Variants in RBBP8NL observed in about 807,000 individuals in gnomAD.
The protein encoded by RBBP8NL is RBBP8 N-terminal like.
RBBP8NL carries 59 observed loss-of-function variants against 62.2 expected under a neutral mutation model. The observed-to-expected ratio is 0.95, with a 90% CI of 0.77 to 1.18. The LOEUF (loss-of-function observed/expected upper bound fraction) is 1.18. RBBP8NL is among the 50% of genes most tolerant of loss of function. The pLI is 0.00. For missense variants in RBBP8NL, 896 were observed against 899.5 expected (o/e 1.00, Z 0.05); for synonymous variants, 412 against 394.1 (o/e 1.05, Z -0.54).
chr20:62,427,428 G>A (rs1462525526), intron 1 of RBBP8NL, 32 bp downstream of exon 1: 1 of 152,260 alleles, frequency 6.6e-6, no homozygotes, highest in Non-Finnish European at 1.5e-5. Context: ...CGGCTACTTG[G>A]GTGGCCTGGC....
At position 62,410,890 on chromosome 20, in the gene RBBP8NL, C is replaced by T. The variant is rs774910185; in HGVS notation, c.1983G>A (p.Trp661Ter). 4 of 1,612,204 alleles carry T rather than the reference C, an allele frequency of 2.5e-6. No homozygotes were observed. The South Asian group carries it at 4.4e-5, about 18-fold the overall frequency. Residue 661 changes from tryptophan (W) to a stop codon, truncating the protein, a stop_gained, in exon 14 of 14, where the codon TGG (tryptophan) becomes TGA (stop). Transcript: ENST00000252998. LOFTEE classifies it high-confidence loss of function. ...DHSPSPNSSP[W>*]EET ...TGGTGCAGGCTGGCTAGGTCTCCTC[C>T]CAGGGGCTGCTGTTGGGGGAGGGAC...
intron 13 of RBBP8NL, 23 bp downstream of exon 13, chr20:62,412,601 C>A: frequency 4.4e-6 from 7 of 1,599,868 alleles, no homozygotes; most frequent in Non-Finnish European, 5.9e-6. Context: ...CCCTTCCCTG[C>A]ACCTGCCCCA....
At position 62,411,012 on chromosome 20, in the gene RBBP8NL, G is replaced by T; in HGVS notation, c.1877-16C>A. 1 of 1,549,180 alleles carries T rather than the reference G, an allele frequency of 6.5e-7. No individual in the cohort carries two copies. Among genetic ancestry groups the T allele is most frequent in the Non-Finnish European group, 8.9e-7 (1 of 1,121,566 alleles). On this transcript the variant is annotated splice_polypyrimidine_tract_variant and intron_variant, in intron 13 of 13. Transcript: ENST00000252998. ...TTTTTGGAGGCTATGGGAAGTGGCC[G>T]GAGGTCAGGCCGGAGCTGTGTGCCT...
chr20:62,418,350 A>G (rs1189028402), intron 3 of RBBP8NL, 73 bp downstream of exon 3: 1 of 1,388,764 alleles, frequency 7.2e-7, no homozygotes, highest in African/African-American at 1.4e-5. Flanking sequence ...TAGTGCTGGC[A>G]CACTGGGGCT....
At position 62,415,774 on chromosome 20, in the gene RBBP8NL, G is replaced by A. The variant is rs750485937; in HGVS notation, c.544+14C>T. The stretch of plus-strand genomic sequence containing the variant: ...GGGGCCCAGCCTCCCAGCCTCACCC[G>A]GTCCCCACAGCACCTTCTCCCCGTA... On this transcript the variant is annotated intron_variant, in intron 7 of 13. Coordinates refer to ENST00000252998, the MANE Select transcript of RBBP8NL (RefSeq NM_080833.3). 15 of 1,611,150 alleles carry A rather than the reference G, an allele frequency of 9.3e-6. No homozygotes were observed. Among genetic ancestry groups the A allele is most frequent in the Middle Eastern group, 3.3e-4 (2 of 6,054 alleles).
rs1693085045 is a variant in RBBP8NL at position 62,412,639 on chromosome 20, C to G, written c.1861G>C (p.Glu621Gln). ...GPPRKRKRAS[E>Q]PGDKASKKPS... is the part of the protein sequence containing the mutation. ...CCAGCTGTACCTTTGTCCCCAGGCT[C>G]CGAGGCCCGCTTCCTCTTCCGTGGT... The change falls in exon 13 of 14, where the codon GAG becomes CAG. Residue 621 changes from glutamate to glutamine, a missense_variant. Physicochemically the swap from Glu to Gln is conservative, Grantham distance 29. Transcript: ENST00000252998. 4.4e-6 allele frequency: 7 copies of G among 1,605,438 alleles called. No homozygotes were observed. The highest frequency in any genetic ancestry group is 5.9e-6 in the Non-Finnish European group (7 of 1,179,876).
rs1195767416 is a variant in RBBP8NL, at chr20:62,415,794, C to T, written c.538G>A (p.Gly180Arg). 6.2e-7 allele frequency: 1 copy of T among 1,611,956 alleles called. No homozygotes were observed. Among genetic ancestry groups the T allele is most frequent in the Non-Finnish European group, 8.5e-7 (1 of 1,179,872 alleles). ...EEDHQGVGLR[G>R]EEKPAGHRTS... Reference sequence around the variant, plus strand: ...CACCCGGTCCCCACAGCACCTTCTCCCCGTAGGCCCACGCCCTGGTGGTCT... The same window carrying T: ...CACCCGGTCCCCACAGCACCTTCTCTCCGTAGGCCCACGCCCTGGTGGTCT... Residue 180 changes from glycine (G) to arginine (R), a missense_variant, in exon 7 of 14, where the codon GGA (glycine) becomes AGA (arginine). Physicochemically the swap from Gly to Arg is moderately radical, Grantham distance 125 (BLOSUM62 -2). Coordinates refer to ENST00000252998, the MANE Select transcript of RBBP8NL (RefSeq NM_080833.3).
Position 62,416,842 on chromosome 20 carries a change from C to A in RBBP8NL, c.231G>T (p.Met77Ile). Reference protein sequence around the residue: ...RLRAGLCDRCMVTQELARKRQ... With the variant: ...RLRAGLCDRCIVTQELARKRQ... ...GCTTCCTGGCCAGCTCCTGGGTGAC[C>A]ATGCAGCGGTCGCACAGGCCGGCCC... Residue 77 changes from methionine to isoleucine, a missense_variant, in exon 5 of 14, where the codon ATG becomes ATT. Transcript: ENST00000252998. 2 of 1,577,972 alleles carry A rather than the reference C, an allele frequency of 1.3e-6. No homozygotes were observed. The highest frequency in any genetic ancestry group is 4.6e-5 in the East Asian group (2 of 43,142).
chr20:62,425,067 C>G (rs530875580), intron 1 of RBBP8NL, among the ~76,000 whole-genome samples: 1 of 152,302 alleles, frequency 6.6e-6, no homozygotes, highest in African/African-American at 2.4e-5. Flanking sequence ...CCTCTCTGAG[C>G]CTGTTTCCTC....
intron 1 of RBBP8NL, among the ~76,000 whole-genome samples, chr20:62,425,429 C>A (rs1454901180): frequency 3.9e-5 from 6 of 152,188 alleles, no homozygotes; most frequent in African/African-American, 4.8e-5. Flanking sequence ...AATGGGCTCA[C>A]GGCATCTCTG....
At chr20:62,411,413 C>T (rs1267204524) in intron 13 of RBBP8NL, among the ~76,000 whole-genome samples, 1 of 152,342 alleles carries the variant, frequency 6.6e-6, no homozygotes, top group South Asian at 2.1e-4. Context: ...TGGGCTTAGG[C>T]CATCTCTGAG....
At chr20:62,414,881 T>C (rs1448194555) in intron 9 of RBBP8NL, among the ~76,000 whole-genome samples, 2 of 152,204 alleles carry the variant, frequency 1.3e-5, no homozygotes, top group East Asian at 3.9e-4. Context: ...TAGCCACCTG[T>C]CCACCCTCCA....
Position 62,412,632 on chromosome 20 carries a change from C to A in RBBP8NL, c.1868G>T (p.Gly623Val). The change falls in exon 13 of 14, where the codon GGG (glycine) becomes GTG (valine). Residue 623 changes from glycine (G) to valine (V), a missense_variant. Physicochemically the swap from Gly to Val is moderately radical, Grantham distance 109. Coordinates refer to ENST00000252998, the MANE Select transcript of RBBP8NL (RefSeq NM_080833.3). ...CCCCATGCCAGCTGTACCTTTGTCC[C>A]CAGGCTCCGAGGCCCGCTTCCTCTT... Reference protein sequence around the residue: ...PRKRKRASEPGDKASKKPSRG... With the variant: ...PRKRKRASEPVDKASKKPSRG... 6 of 1,604,518 alleles carry A rather than the reference C, an allele frequency of 3.7e-6. No individual in the cohort carries two copies. The highest frequency in any genetic ancestry group is 5.1e-6 in the Non-Finnish European group (6 of 1,179,852).
intron 13 of RBBP8NL, among the ~76,000 whole-genome samples, chr20:62,411,760 C>A (rs944717658): frequency 6.6e-6 from 1 of 152,258 alleles, no homozygotes; most frequent in Non-Finnish European, 1.5e-5. Context: ...CAAGGGTGTG[C>A]TGGCTCACAG....
intron 1 of RBBP8NL, among the ~76,000 whole-genome samples, chr20:62,425,060 C>T (rs1270529747): frequency 6.6e-6 from 1 of 152,206 alleles, no homozygotes; most frequent in East Asian, 1.9e-4. Context: ...TGCTTTTCCT[C>T]TCTGAGCCTG....
intron 2 of RBBP8NL, 22 bp from the exon 3 acceptor site, chr20:62,418,487 C>T (rs971514852): frequency 3.9e-6 from 6 of 1,546,880 alleles, no homozygotes; most frequent in East Asian, 2.4e-5. Flanking sequence ...AGCAGAGGGG[C>T]GGGGGGTCAG....
chr20:62,418,373 AG>A (rs1988627358), intron 3 of RBBP8NL, 49 bp downstream of exon 3: 1 of 1,513,278 alleles, frequency 6.6e-7, no homozygotes, highest in Non-Finnish European at 9.0e-7. Flanking sequence ...AGGGGGATGA[AG>A]TGGCCAGTGT....
Position 62,417,319 on chromosome 20 carries a change from C to T in RBBP8NL, c.105G>A (p.Arg35=), listed in dbSNP as rs1224817004. The T allele has an allele frequency of 1.3e-6, 2 of 1,590,384 alleles. No homozygotes were observed. Among genetic ancestry groups the T allele is most frequent in the Non-Finnish European group, 1.7e-6 (2 of 1,168,336 alleles). ...KLLELNSERC[R]DAQRIEELFS... ...AGAGCTCCTCGATCCTCTGGGCGTC[C>T]CTGTGGTGGGAAACAGCTAAAGTGG... Residue 35 remains arginine (R), a splice_region_variant and synonymous_variant, in exon 4 of 14, where the codon CGG becomes CGA. Coordinates refer to ENST00000252998, the MANE Select transcript of RBBP8NL (RefSeq NM_080833.3).
rs1179168324 is a variant in RBBP8NL, at chr20:62,414,360, C to T, written c.991G>A (p.Glu331Lys). Residue 331 changes from glutamate to lysine, a missense_variant, in exon 10 of 14, where the codon GAG becomes AAG. Coordinates refer to ENST00000252998, the MANE Select transcript of RBBP8NL (RefSeq NM_080833.3). ...AGCCCCAGCAGTTCTGTGGGCTCCTCCCAGGCCTCTGCTTCTCTGGCCTTC... is the reference window on the plus strand; with the variant it reads ...AGCCCCAGCAGTTCTGTGGGCTCCTTCCAGGCCTCTGCTTCTCTGGCCTTC... The part of the protein sequence containing the change: ...DLKAREAEAW[E>K]EPTELLGLPS... The T allele has an allele frequency of 1.3e-6, 2 of 1,550,900 alleles. No individual in the cohort carries two copies. The highest frequency in any genetic ancestry group is 2.4e-5 in the South Asian group (2 of 84,676).
Sources: gnomAD v4.1 joint callset for allele counts (sites outside exome capture counted in the v4.1 genomes callset) on GRCh38, gnomAD v4.1.1 for gene constraint, MANE v1.5 for transcripts, NCBI Gene and HGNC (gene_info 2026-07-23, HGNC 2026-07-21) for gene names.